Variants in DYSF observed in about 807,000 individuals in gnomAD.
The protein encoded by DYSF is dystrophy-associated fer-1-like 1.
In DYSF, 212 loss-of-function variants were observed where a neutral mutation model predicts 274.9. The ratio of observed to expected loss-of-function variants is 0.77; its 90% confidence interval spans 0.69 to 0.86. DYSF has a LOEUF of 0.86. Among genes scored for constraint, DYSF ranks in the 40% least tolerant of loss-of-function variants. The probability of loss-of-function intolerance (pLI) is 0.00; values close to 1 mark genes in which losing one functional copy is unlikely to be tolerated. For missense variants in DYSF, 2,666 were observed against 2,783.2 expected (o/e 0.96, Z 0.95); for synonymous variants, 1,091 against 1,078.7 (o/e 1.01, Z -0.22).
At chr2:71,539,799 A>C (rs2089751375) in intron 17 of DYSF, among the ~76,000 whole-genome samples, 1 of 152,206 alleles carries the variant, frequency 6.6e-6, no homozygotes, top group South Asian at 2.1e-4. Context: ...GTGTATATAT[A>C]CATTAGAACA....
At chr2:71,560,389 G>C (rs188663416) in intron 22 of DYSF, among the ~76,000 whole-genome samples, 807 of 49,540 alleles carry the variant, frequency 0.016, 4 homozygotes, top group Admixed American at 0.032. Context: ...CCCGCTCTCA[G>C]GCCCACTCAG....
intron 40 of DYSF, among the ~76,000 whole-genome samples, chr2:71,619,630 T>G (rs1574408099): frequency 6.6e-6 from 1 of 152,198 alleles, no homozygotes; most frequent in African/African-American, 2.4e-5. Flanking sequence ...GGGTCCTAGC[T>G]GGCTGCTTCC....
chr2:71,457,843 T>TG (rs2081131560), intron 1 of DYSF, among the ~76,000 whole-genome samples: 1 of 152,114 alleles, frequency 6.6e-6, no homozygotes, highest in South Asian at 2.1e-4. Context: ...GGCACTGAGG[T>TG]GGGCAACCTG....
intron 1 of DYSF, chr2:71,454,104 C>A: frequency 6.2e-7 from 1 of 1,611,522 alleles, no homozygotes; most frequent in Non-Finnish European, 8.5e-7. Flanking sequence ...GGGCCGACCA[C>A]CCTCGCCCGG....
intron 36 of DYSF, among the ~76,000 whole-genome samples, chr2:71,604,202 C>T (rs1373207213): frequency 6.6e-6 from 1 of 152,168 alleles, no homozygotes; most frequent in Non-Finnish European, 1.5e-5. Flanking sequence ...TGACCTCCCT[C>T]AGTCCCAGGG....
intron 1 of DYSF, among the ~76,000 whole-genome samples, chr2:71,457,784 TG>T (rs2081129156): frequency 6.6e-6 from 1 of 152,192 alleles, no homozygotes; most frequent in Non-Finnish European, 1.5e-5. Context: ...GACAGGACTA[TG>T]GTGGCTGCCT....
chr2:71,469,070 G>T (rs1382964496), intron 1 of DYSF, among the ~76,000 whole-genome samples: 2 of 152,186 alleles, frequency 1.3e-5, no homozygotes, highest in Non-Finnish European at 2.9e-5. Flanking sequence ...CGATGCAGCA[G>T]GTCTGGAAGG....
At chr2:71,543,697 C>G (rs1359296524) in intron 17 of DYSF, among the ~76,000 whole-genome samples, 1 of 152,102 alleles carries the variant, frequency 6.6e-6, no homozygotes, top group East Asian at 1.9e-4. Flanking sequence ...CCATCTCCAC[C>G]AAAAAAATAC....
intron 32 of DYSF, among the ~76,000 whole-genome samples, chr2:71,597,223 T>C (rs2093427251): frequency 6.6e-6 from 1 of 152,072 alleles, no homozygotes; most frequent in Non-Finnish European, 1.5e-5. Context: ...CCTCTTGAGG[T>C]CACAAGGGGA....
rs912262982 is a variant in DYSF at position 71,559,313 on chromosome 2, C to T, written c.2217-2439C>T. 4.6e-5 allele frequency among the ~76,000 whole-genome samples: 7 copies of T among 152,230 alleles called. No individual in the cohort carries two copies. The South Asian group carries it at 8.3e-4, about 18-fold the overall frequency. On this transcript the variant is annotated intron_variant, in intron 22 of 55. Coordinates refer to ENST00000410020, the MANE Select transcript of DYSF (RefSeq NM_001130987.2). Reference sequence around the variant, plus strand: ...GGGTCCCCAGAATCCACGCTGGAAACCTGAGCCAGCTCTGACTGCCCTCCT... The same window carrying T: ...GGGTCCCCAGAATCCACGCTGGAAATCTGAGCCAGCTCTGACTGCCCTCCT...
chr2:71,591,355 A>C (rs2093259078), intron 32 of DYSF, among the ~76,000 whole-genome samples: 1 of 152,152 alleles, frequency 6.6e-6, no homozygotes, highest in Non-Finnish European at 1.5e-5. Flanking sequence ...GCACAGATCA[A>C]CAGTGGTCTA....
At chr2:71,602,052 C>G (rs577455194) in intron 35 of DYSF, among the ~76,000 whole-genome samples, 109 of 152,362 alleles carry the variant, frequency 7.2e-4, no homozygotes, top group African/African-American at 2.5e-3. Flanking sequence ...ATTGTTCTTA[C>G]CAAGACCTCA....
chr2:71,566,769 G>A (rs1027683449), intron 24 of DYSF, among the ~76,000 whole-genome samples: 2 of 152,204 alleles, frequency 1.3e-5, no homozygotes, highest in Non-Finnish European at 2.9e-5. Context: ...TTTCCCCGGG[G>A]CATGACACGT....
At chr2:71,621,988 C>G (rs573473541) in intron 41 of DYSF, among the ~76,000 whole-genome samples, 12 of 152,248 alleles carry the variant, frequency 7.9e-5, no homozygotes, top group African/African-American at 2.2e-4. Context: ...GATATGACTG[C>G]ATGTCACATG....
intron 12 of DYSF, among the ~76,000 whole-genome samples, chr2:71,523,773 C>T (rs2087565483): frequency 6.6e-6 from 1 of 152,126 alleles, no homozygotes; most frequent in African/African-American, 2.4e-5. Flanking sequence ...TCTCAAACTC[C>T]TGACCTTGTG....
At chr2:71,489,874 G>A (rs2083679272) in intron 3 of DYSF, among the ~76,000 whole-genome samples, 1 of 152,186 alleles carries the variant, frequency 6.6e-6, no homozygotes, top group Non-Finnish European at 1.5e-5. Context: ...TCTGTAACCT[G>A]GACCTCTCTG....
Position 71,568,217 on chromosome 2 carries a change from A to G in DYSF, c.2743A>G (p.Thr915Ala), listed in dbSNP as rs745753373. 1.2e-6 allele frequency: 2 copies of G among 1,614,214 alleles called. No homozygotes were observed. Among genetic ancestry groups the G allele is most frequent in the Non-Finnish European group, 1.7e-6 (2 of 1,180,036 alleles). The stretch of plus-strand genomic sequence containing the variant: ...GGCCCTTGTTGGGAACTGGGGCACA[A>G]CGGGCCTCACCTACCCCAAGTTTTC... ...KLALVGNWGT[T>A]GLTYPKFSDV... is the part of the protein sequence containing the mutation. The change falls in exon 26 of 56, where the codon ACG (threonine) becomes GCG (alanine). Residue 915 changes from threonine to alanine, a missense_variant. Coordinates refer to ENST00000410020, the MANE Select transcript of DYSF (RefSeq NM_001130987.2).
At chr2:71,533,309 G>A (rs756807384) in intron 14 of DYSF, among the ~76,000 whole-genome samples, 22 of 152,206 alleles carry the variant, frequency 1.4e-4, no homozygotes, top group Admixed American at 2.0e-4. Context: ...ATGAGCCACC[G>A]TGCCCAGCCG....
intron 26 of DYSF, 124 bp downstream of exon 26, chr2:71,568,462 G>C: frequency 7.6e-7 from 1 of 1,311,052 alleles, no homozygotes; most frequent in Non-Finnish European, 1.1e-6. Flanking sequence ...CTGGTCATAG[G>C]AACTTCCGCT....
Sources: gnomAD v4.1 joint callset for allele counts (sites outside exome capture counted in the v4.1 genomes callset) on GRCh38, gnomAD v4.1.1 for gene constraint, MANE v1.5 for transcripts, NCBI Gene and HGNC (gene_info 2026-07-23, HGNC 2026-07-21) for gene names.